PPIP5K2: variants seen among roughly 807,000 people sequenced by gnomAD.
PPIP5K2 encodes inositol hexakisphosphate and diphosphoinositol-pentakisphosphate kinase 2.
PPIP5K2 carries 105 observed loss-of-function variants against 154.6 expected under a neutral mutation model. That is an observed-to-expected ratio of 0.68 (90% confidence interval 0.58 to 0.80). The LOEUF (loss-of-function observed/expected upper bound fraction) is 0.80, where lower values mean the gene tolerates loss of function less well. Among genes scored for constraint, PPIP5K2 ranks in the 30% least tolerant of loss-of-function variants. PPIP5K2 has a pLI of 0.00. For synonymous variants in PPIP5K2, 480 were observed against 490.3 expected (o/e 0.98, Z 0.28); for missense variants, 992 against 1,504.6 (o/e 0.66, Z 5.64).
chr5:103,127,669 T>C (rs544475278), intron 1 of PPIP5K2, among the ~76,000 whole-genome samples: 1 of 152,292 alleles, frequency 6.6e-6, no homozygotes, highest in Non-Finnish European at 1.5e-5. Flanking sequence ...CACTTAGTCT[T>C]TACAGGGTTA....
chr5:103,200,606 G>GT (rs1253656293), intron 30 of PPIP5K2, among the ~76,000 whole-genome samples: 1 of 148,940 alleles, frequency 6.7e-6, no homozygotes, highest in Middle Eastern at 3.2e-3. Flanking sequence ...ACCTAGAATG[G>GT]TTTTTTATTT....
intron 30 of PPIP5K2, among the ~76,000 whole-genome samples, chr5:103,198,956 T>C (rs1226350869): frequency 6.6e-6 from 1 of 152,072 alleles, no homozygotes; most frequent in Non-Finnish European, 1.5e-5. Flanking sequence ...TTTTGCATTT[T>C]TTTTTGTTGC....
At chr5:103,147,864 T>C (rs1554209720) in intron 6 of PPIP5K2, 67 bp from the exon 7 acceptor site, 1 of 914,528 alleles carries the variant, frequency 1.1e-6, no homozygotes, top group East Asian at 2.5e-5. Flanking sequence ...AAACTATTTG[T>C]CATTTTATCA....
intron 2 of PPIP5K2, among the ~76,000 whole-genome samples, chr5:103,130,238 C>T (rs1790397154): frequency 1.3e-5 from 2 of 152,078 alleles, no homozygotes; most frequent in Admixed American, 6.6e-5. Context: ...AACTTGTTCT[C>T]TTTCTGATAT....
Position 103,202,197 on chromosome 5 carries a change from T to A in PPIP5K2, c.*563T>A, listed in dbSNP as rs1387299516. 6.5e-6 allele frequency: 1 copy of A among 152,674 alleles called. No individual in the cohort carries two copies. The highest frequency in any genetic ancestry group is 1.5e-5 in the Non-Finnish European group (1 of 68,048). 9.5% of individuals were successfully genotyped at this position (152,674 alleles called of 1,614,324 possible). On this transcript the variant is annotated 3_prime_UTR_variant, in exon 31 of 31. Coordinates refer to ENST00000358359, the MANE Select transcript of PPIP5K2 (RefSeq NM_001276277.3). ...ATGGGTTATTTTTTCAATCTGTGTTTTGAATTTTTTTATTGTGTGTTATTT... is the reference window on the plus strand; with the variant it reads ...ATGGGTTATTTTTTCAATCTGTGTTATGAATTTTTTTATTGTGTGTTATTT...
intron 5 of PPIP5K2, among the ~76,000 whole-genome samples, chr5:103,146,013 G>C (rs543709703): frequency 1.6e-4 from 25 of 152,066 alleles, no homozygotes; most frequent in African/African-American, 5.8e-4. Flanking sequence ...CAACTACTAT[G>C]TACCCATGAT....
chr5:103,195,117 T>A, intron 30 of PPIP5K2, 92 bp downstream of exon 30: 1 of 1,489,870 alleles, frequency 6.7e-7, no homozygotes, highest in Non-Finnish European at 9.1e-7. Context: ...TTTTAATTAG[T>A]ATCTTTGCAC....
intron 25 of PPIP5K2, among the ~76,000 whole-genome samples, chr5:103,183,681 C>G (rs961327893): frequency 6.6e-6 from 1 of 152,030 alleles, no homozygotes; most frequent in Non-Finnish European, 1.5e-5. Flanking sequence ...GGAATTTCAC[C>G]TTGTTAATAA....
intron 30 of PPIP5K2, among the ~76,000 whole-genome samples, chr5:103,199,051 G>T (rs970542672): frequency 2.0e-5 from 3 of 151,854 alleles, no homozygotes; most frequent in Admixed American, 1.3e-4. Flanking sequence ...CCTTGCCACT[G>T]TATAGATTCA....
At chr5:103,185,546 T>A (rs1554224652) in intron 26 of PPIP5K2, among the ~76,000 whole-genome samples, 2 of 152,124 alleles carry the variant, frequency 1.3e-5, no homozygotes, top group Non-Finnish European at 2.9e-5. Flanking sequence ...GAAATTTATA[T>A]ATTACTCCTT....
chr5:103,147,190 T>A (rs1326854950), intron 6 of PPIP5K2, among the ~76,000 whole-genome samples: 2 of 151,984 alleles, frequency 1.3e-5, no homozygotes, highest in African/African-American at 4.8e-5. Flanking sequence ...CAAAGCAATG[T>A]AGCCTCTTAA....
chr5:103,185,401 CGTT>C (rs1554224604), intron 26 of PPIP5K2, among the ~76,000 whole-genome samples: 1 of 152,024 alleles, frequency 6.6e-6, no homozygotes, highest in Non-Finnish European at 1.5e-5. Flanking sequence ...AAACAGATCT[CGTT>C]GTAAGTTTAT....
chr5:103,148,217 A>G, intron 7 of PPIP5K2, 185 bp downstream of exon 7: 2 of 648,844 alleles, frequency 3.1e-6, no homozygotes, highest in Non-Finnish European at 5.6e-6. Flanking sequence ...CTTTTTTAAG[A>G]GTAGTGTTTT....
chr5:103,131,911 T>C (rs1434110280), intron 2 of PPIP5K2, among the ~76,000 whole-genome samples: 1 of 152,202 alleles, frequency 6.6e-6, no homozygotes, highest in African/African-American at 2.4e-5. Context: ...TCTTAGCCAG[T>C]GAGCAGATAT....
At position 103,129,617 on chromosome 5, in the gene PPIP5K2, G is replaced by A. The variant is rs1159731346; in HGVS notation, c.28G>A (p.Gly10Arg). Reference sequence around the variant, plus strand: ...GAGTGAAGCCCCCAGATTCTTCGTTGGACCAGAAGATACAGAAATAAATCC... The same window carrying A: ...GAGTGAAGCCCCCAGATTCTTCGTTAGACCAGAAGATACAGAAATAAATCC... The part of the protein sequence containing the change: MSEAPRFFV[G>R]PEDTEINPGN... The change falls in exon 2 of 31, where the codon GGA (glycine) becomes AGA (arginine). Residue 10 changes from glycine (G) to arginine (R), a missense_variant. Coordinates refer to ENST00000358359, the MANE Select transcript of PPIP5K2 (RefSeq NM_001276277.3). The A allele has an allele frequency of 6.2e-7, 1 of 1,603,488 alleles. No individual in the cohort carries two copies. The highest frequency in any genetic ancestry group is 8.5e-7 in the Non-Finnish European group (1 of 1,177,120).
At position 103,208,727 on chromosome 5, in the gene PPIP5K2, T is replaced by C. The variant is rs960195055; in HGVS notation, c.*7093T>C. 2.6e-5 allele frequency: 4 copies of C among 152,192 alleles called. No individual in the cohort carries two copies. Among genetic ancestry groups the C allele is most frequent in the Admixed American group, 2.0e-4 (3 of 15,272 alleles). 9.4% of individuals were successfully genotyped at this position (152,192 alleles called of 1,614,324 possible). A position where few individuals can be genotyped will look rare whatever the true frequency, so the allele number is the denominator to read the frequency against. ...TTGTTGTTGTTTTTTTTTCCCTGTC[T>C]CAGATTATGTCATCTATTTTGGAGT... is the stretch of plus-strand genomic sequence containing the variant. On this transcript the variant is annotated 3_prime_UTR_variant, in exon 31 of 31. Transcript: ENST00000358359.
chr5:103,201,770 G>A lies in PPIP5K2; in HGVS notation c.*136G>A. The A allele has an allele frequency of 1.5e-6, 1 of 648,054 alleles. No individual in the cohort carries two copies. Among genetic ancestry groups the A allele is most frequent in the Non-Finnish European group, 2.6e-6 (1 of 382,242 alleles). 40.1% of individuals were successfully genotyped at this position (648,054 alleles called of 1,614,324 possible). ...TTTGTTTATGTTCAGGTAAGGAACT[G>A]TTGTCATGATCTGGAAATGTTTAAA... On this transcript the variant is annotated 3_prime_UTR_variant, in exon 31 of 31. Transcript: ENST00000358359.
intron 17 of PPIP5K2, among the ~76,000 whole-genome samples, chr5:103,162,320 C>G (rs1212591740): frequency 6.7e-6 from 1 of 149,588 alleles, no homozygotes; most frequent in Non-Finnish European, 1.5e-5. Flanking sequence ...ACCACCTACT[C>G]TGAGCCTTAA....
In PPIP5K2 at chr5:103,133,470, T is replaced by A; in HGVS notation, c.132T>A (p.Ile44=). ...TGTTTTAGCCACCAGAAAGGCAGATTGTGGTTGGAATATGTTCCATGGCAA... is the reference window on the plus strand; with the variant it reads ...TGTTTTAGCCACCAGAAAGGCAGATAGTGGTTGGAATATGTTCCATGGCAA... ...EEDDSPPERQ[I]VVGICSMAKK... is the part of the protein sequence containing the mutation. Residue 44 remains isoleucine, a synonymous_variant, in exon 3 of 31, where the codon ATT becomes ATA. Coordinates refer to ENST00000358359, the MANE Select transcript of PPIP5K2 (RefSeq NM_001276277.3). The A allele has an allele frequency of 1.9e-6, 3 of 1,604,710 alleles. No individual in the cohort carries two copies. Among genetic ancestry groups the A allele is most frequent in the Non-Finnish European group, 2.5e-6 (3 of 1,178,020 alleles).
Sources: allele counts gnomAD v4.1 joint callset (sites outside exome capture counted in the v4.1 genomes callset), GRCh38; gene constraint gnomAD v4.1.1; transcripts MANE v1.5; gene names NCBI Gene and HGNC (gene_info 2026-07-23, HGNC 2026-07-21).